Variants in NETO1 observed in about 807,000 individuals in gnomAD.
NETO1 encodes the protein neuropilin and tolloid-like protein 1.
A neutral mutation model predicts 61.3 loss-of-function variants in NETO1; 26 were observed. The observed-to-expected ratio is 0.42, with a 90% CI of 0.31 to 0.59. The LOEUF is 0.59. Ranked by LOEUF, NETO1 falls within the 20% of genes least tolerant of loss-of-function variation. The pLI, the probability that NETO1 is intolerant of heterozygous loss-of-function variation, is 0.12. For synonymous variants in NETO1, 225 were observed against 225.8 expected (o/e 1.00, Z 0.03); for missense variants, 531 against 662.8 (o/e 0.80, Z 2.18).
rs563446638 is a variant in NETO1, at chr18:72,751,300, A to C, written c.983-680T>G. Among the ~76,000 whole-genome samples, 3 of 152,304 alleles carry C rather than the reference A, an allele frequency of 2.0e-5. No homozygotes were observed. The East Asian group carries it at 5.8e-4, about 29-fold the overall frequency. ...AAGTGGAAATATATTTATATAAACCAATCTACTAAATGTCCTTAGGACCAG... is the reference window on the plus strand; with the variant it reads ...AAGTGGAAATATATTTATATAAACCCATCTACTAAATGTCCTTAGGACCAG... On this transcript the variant is annotated intron_variant, in intron 8 of 10. Transcript: ENST00000327305.
chr18:72,753,168 A>G (rs10469197), intron 8 of NETO1, among the ~76,000 whole-genome samples: 1,630 of 152,166 alleles, frequency 0.011, 32 homozygotes, highest in African/African-American at 0.037. Flanking sequence ...CAAGTTCAAC[A>G]AATTCCAAGT....
intron 4 of NETO1, among the ~76,000 whole-genome samples, chr18:72,846,460 G>A (rs772940004): frequency 4.9e-5 from 6 of 123,106 alleles, no homozygotes; most frequent in South Asian, 2.7e-4. Context: ...AACCAAGATC[G>A]TGCCACTGCA....
intron 6 of NETO1, 120 bp from the exon 7 acceptor site, chr18:72,784,026 T>C: frequency 2.9e-6 from 2 of 685,766 alleles, no homozygotes; most frequent in Non-Finnish European, 4.9e-6. Context: ...ATCTTATTAT[T>C]TTCCCTTGTG....
chr18:72,833,716 T>C (rs933245009), intron 4 of NETO1, among the ~76,000 whole-genome samples: 3 of 152,136 alleles, frequency 2.0e-5, no homozygotes, highest in African/African-American at 4.8e-5. Flanking sequence ...AGGGATGGCA[T>C]GGAATTTTTG....
At chr18:72,755,778 A>T (rs1206837448) in intron 8 of NETO1, among the ~76,000 whole-genome samples, 1 of 152,122 alleles carries the variant, frequency 6.6e-6, no homozygotes. Flanking sequence ...ATAGCTCTGC[A>T]GGCTCTAATA....
At chr18:72,862,616 T>C (rs2074608005) in intron 3 of NETO1, among the ~76,000 whole-genome samples, 1 of 111,486 alleles carries the variant, frequency 9.0e-6, no homozygotes, top group Non-Finnish European at 2.1e-5. Flanking sequence ...ATGATCCTTT[T>C]TTTTTCTTTT....
chr18:72,803,017 G>A lies in NETO1; in HGVS notation c.470-8613C>T, dbSNP rs73966667. Among the ~76,000 whole-genome samples the A allele has an allele frequency of 6.5e-3, 987 of 152,188 alleles. 10 individuals carry two copies. Among genetic ancestry groups the A allele is most frequent in the African/African-American group, 0.022 (934 of 41,520 alleles). ...GTGTGAGTTACTCATTTTTCTCATG[G>A]AGCATCATTTCTGCTTGAAAAGCAT... On this transcript the variant is annotated intron_variant, in intron 4 of 10. Coordinates refer to ENST00000327305, the MANE Select transcript of NETO1 (RefSeq NM_138966.5).
intron 4 of NETO1, chr18:72,833,969 G>T: frequency 3.5e-6 from 1 of 282,366 alleles, no homozygotes; most frequent in Non-Finnish European, 5.3e-6. Flanking sequence ...ACATTCCTAT[G>T]ATAAATTAGC....
chr18:72,838,592 C>G (rs1439426797), intron 4 of NETO1, among the ~76,000 whole-genome samples: 1 of 152,174 alleles, frequency 6.6e-6, no homozygotes, highest in Non-Finnish European at 1.5e-5. Flanking sequence ...TGAAATTTTT[C>G]TAGTAAGAAG....
intron 4 of NETO1, among the ~76,000 whole-genome samples, chr18:72,843,161 C>G (rs2073985052): frequency 6.6e-6 from 1 of 152,114 alleles, no homozygotes; most frequent in South Asian, 2.1e-4. Context: ...ATCAAAAATG[C>G]TTTCCAAAAT....
In NETO1 at chr18:72,863,619, T is replaced by C. The variant is rs557414412; in HGVS notation, c.220+1189A>G. 6.6e-5 allele frequency among the ~76,000 whole-genome samples: 10 copies of C among 152,110 alleles called. No homozygotes were observed. In the East Asian group the frequency reaches 7.7e-4, roughly 12 times the overall value. On this transcript the variant is annotated intron_variant, in intron 3 of 10. Transcript: ENST00000327305. The stretch of plus-strand genomic sequence containing the variant: ...TCTTTGCTGAAAATTCAACTTCAAG[T>C]AGTAAGGGTGGGGGAAGATCTTTGG...
intron 7 of NETO1, among the ~76,000 whole-genome samples, chr18:72,756,576 T>G (rs1328967400): frequency 6.6e-6 from 1 of 152,102 alleles, no homozygotes; most frequent in Non-Finnish European, 1.5e-5. Context: ...CAAGTACTAA[T>G]GAATAACATA....
chr18:72,810,150 A>G (rs2072818126), intron 4 of NETO1, among the ~76,000 whole-genome samples: 1 of 152,238 alleles, frequency 6.6e-6, no homozygotes, highest in Non-Finnish European at 1.5e-5. Flanking sequence ...ATCTTGGTCC[A>G]TTTTAAATAC....
chr18:72,852,886 G>A lies in NETO1; in HGVS notation c.469+5940C>T, dbSNP rs866611518. Among the ~76,000 whole-genome samples the A allele has an allele frequency of 9.0e-5, 13 of 143,848 alleles. No individual in the cohort carries two copies. The South Asian group carries it at 1.1e-3, about 12-fold the overall frequency. 94.4% of individuals were successfully genotyped at this position (143,848 alleles called of 152,430 possible). On this transcript the variant is annotated intron_variant, in intron 4 of 10. Coordinates refer to ENST00000327305, the MANE Select transcript of NETO1 (RefSeq NM_138966.5). ...CTTGCTCTATTGCCCAGGCTGGAGTGCAGTGGCATGATCTCAGCTCACTGC... is the reference window on the plus strand; with the variant it reads ...CTTGCTCTATTGCCCAGGCTGGAGTACAGTGGCATGATCTCAGCTCACTGC...
At chr18:72,812,652 T>C (rs1326124434) in intron 4 of NETO1, among the ~76,000 whole-genome samples, 1 of 152,220 alleles carries the variant, frequency 6.6e-6, no homozygotes. Context: ...AATCATTTGT[T>C]CCACCTAGTC....
At chr18:72,834,378 A>G (rs938040043) in intron 4 of NETO1, 1 of 935,096 alleles carries the variant, frequency 1.1e-6, no homozygotes. Flanking sequence ...AAGGTTTAGA[A>G]ACCAGATAAT....
chr18:72,853,041 G>A (rs951376537), intron 4 of NETO1, among the ~76,000 whole-genome samples: 5 of 151,706 alleles, frequency 3.3e-5, no homozygotes, highest in African/African-American at 1.2e-4. Context: ...CACCATGTTG[G>A]CCAGGTTGGT....
intron 6 of NETO1, among the ~76,000 whole-genome samples, chr18:72,789,424 A>T (rs1456032364): frequency 6.6e-6 from 1 of 152,098 alleles, no homozygotes; most frequent in Non-Finnish European, 1.5e-5. Context: ...CCTATTTAAA[A>T]TTTTTACTTC....
chr18:72,785,429 C>A (rs2071880200), intron 6 of NETO1, among the ~76,000 whole-genome samples: 1 of 152,160 alleles, frequency 6.6e-6, no homozygotes, highest in Non-Finnish European at 1.5e-5. Context: ...TCCTGACCAG[C>A]CTGGATAGTT....
Sources: gnomAD v4.1 joint callset for allele counts (sites outside exome capture counted in the v4.1 genomes callset) on GRCh38, gnomAD v4.1.1 for gene constraint, MANE v1.5 for transcripts, NCBI Gene and HGNC (gene_info 2026-07-23, HGNC 2026-07-21) for gene names.